Variants in BICDL1 observed in about 807,000 individuals in gnomAD.
BICDL1 encodes BICD family like cargo adaptor 1, also known as BICD family-like cargo adapter 1.
In BICDL1, 20 loss-of-function variants were observed where a neutral mutation model predicts 76.8. The ratio of observed to expected loss-of-function variants is 0.26; its 90% CI spans 0.18 to 0.38. The LOEUF is 0.38. BICDL1 is among the 10% of genes least tolerant of loss of function. The pLI is 1.00. For synonymous variants in BICDL1, 383 were observed against 337.1 expected, an observed-to-expected ratio of 1.14 and a Z score of -1.49; for missense variants, 700 against 798.6, an observed-to-expected ratio of 0.88 and a Z score of 1.49.
At chr12:119,999,591 T>C (rs1262365265) in intron 2 of BICDL1, among the ~76,000 whole-genome samples, 1 of 152,260 alleles carries the variant, frequency 6.6e-6, no homozygotes, top group African/African-American at 2.4e-5. Context: ...TATTTGTACC[T>C]TTCTAAGGTG....
chr12:120,039,798 T>A (rs2138801440), intron 2 of BICDL1, among the ~76,000 whole-genome samples: 1 of 152,268 alleles, frequency 6.6e-6, no homozygotes, highest in Admixed American at 6.5e-5. Flanking sequence ...TCCCCCACTT[T>A]CAGGGAGTGT....
intron 2 of BICDL1, among the ~76,000 whole-genome samples, chr12:120,052,323 C>T (rs963279722): frequency 6.8e-6 from 1 of 147,050 alleles, no homozygotes; most frequent in Non-Finnish European, 1.5e-5. Flanking sequence ...CTCTCTCTCT[C>T]TCTCTTTCTC....
chr12:120,075,948 C>G (rs538310474), intron 7 of BICDL1, among the ~76,000 whole-genome samples: 5 of 152,308 alleles, frequency 3.3e-5, no homozygotes, highest in African/African-American at 1.2e-4. Flanking sequence ...CACTTGAGAT[C>G]GGCAGTTCGA....
chr12:120,056,376 A>G (rs1223150272), intron 2 of BICDL1, among the ~76,000 whole-genome samples: 1 of 152,214 alleles, frequency 6.6e-6, no homozygotes, highest in Non-Finnish European at 1.5e-5. Flanking sequence ...GCCAAAACTC[A>G]TCATTTTGAT....
At chr12:120,060,498 T>C (rs1953081058) in intron 2 of BICDL1, among the ~76,000 whole-genome samples, 1 of 152,220 alleles carries the variant, frequency 6.6e-6, no homozygotes, top group Non-Finnish European at 1.5e-5. Flanking sequence ...AGAATCTTAC[T>C]AGCTCATTAC....
At chr12:119,990,871 G>C (rs534204188) in intron 1 of BICDL1, among the ~76,000 whole-genome samples, 1 of 152,204 alleles carries the variant, frequency 6.6e-6, no homozygotes, top group South Asian at 2.1e-4. Context: ...ACATGTGACC[G>C]CTGGTAGTGG....
At chr12:120,084,168 A>G (rs574127203) in intron 8 of BICDL1, among the ~76,000 whole-genome samples, 5 of 151,904 alleles carry the variant, frequency 3.3e-5, no homozygotes, top group East Asian at 1.9e-4. Context: ...ATGCCCTGCT[A>G]ATTTTTTGTA....
At position 120,080,916 on chromosome 12, in the gene BICDL1, C is replaced by G; in HGVS notation, c.1482C>G (p.Ala494=). ...CACTGCTGAGTGTGGAGATGACTGC[C>G]CTAAAAGAGGAGAGAGACCGACTCA... is the stretch of plus-strand genomic sequence containing the variant. ...QVTLLSVEMT[A]LKEERDRLRV... is the part of the protein sequence containing the mutation. The change falls in exon 8 of 10, where the codon GCC becomes GCG. Residue 494 remains alanine, a synonymous_variant. Transcript: ENST00000548673. 6.2e-7 allele frequency: 1 copy of G among 1,613,480 alleles called. No homozygotes were observed.
chr12:120,012,882 C>T (rs1395085815), intron 2 of BICDL1, among the ~76,000 whole-genome samples: 1 of 152,162 alleles, frequency 6.6e-6, no homozygotes, highest in African/African-American at 2.4e-5. Flanking sequence ...CTGTGTCCAG[C>T]TCATTCCCTA....
Position 120,070,142 on chromosome 12 carries a change from A to G in BICDL1, c.910-1480A>G, listed in dbSNP as rs151052014. Among the ~76,000 whole-genome samples, 663 of 152,366 alleles carry G rather than the reference A, an allele frequency of 4.4e-3. 5 individuals are homozygous for G. The highest frequency in any genetic ancestry group is 0.015 in the African/African-American group (630 of 41,582). On this transcript the variant is annotated intron_variant, in intron 4 of 9. Coordinates refer to ENST00000548673, the MANE Select transcript of BICDL1 (RefSeq NM_001367886.1). Reference sequence around the variant, plus strand: ...TTCATTTTTGTTGGGTCTACAGCTAAAAGTGGAATTGCTGGATCATAGAAT... The same window carrying G: ...TTCATTTTTGTTGGGTCTACAGCTAGAAGTGGAATTGCTGGATCATAGAAT...
chr12:120,068,899 A>G (rs554209500), intron 4 of BICDL1, among the ~76,000 whole-genome samples: 10 of 152,316 alleles, frequency 6.6e-5, no homozygotes, highest in African/African-American at 1.9e-4. Context: ...TGTGAACTGC[A>G]CACAGAAGGG....
At chr12:120,063,087 G>T (rs1252974592) in intron 3 of BICDL1, among the ~76,000 whole-genome samples, 1 of 152,164 alleles carries the variant, frequency 6.6e-6, no homozygotes, top group African/African-American at 2.4e-5. Context: ...AAGTTACTTT[G>T]TGTAGCTCCG....
intron 7 of BICDL1, among the ~76,000 whole-genome samples, chr12:120,075,594 A>G (rs1345234944): frequency 6.6e-6 from 1 of 152,048 alleles, no homozygotes; most frequent in Non-Finnish European, 1.5e-5. Context: ...CATGTTGCCT[A>G]GGCTGGTCTC....
chr12:120,018,043 G>C (rs764065908), intron 2 of BICDL1, among the ~76,000 whole-genome samples: 1 of 152,124 alleles, frequency 6.6e-6, no homozygotes, highest in Non-Finnish European at 1.5e-5. Context: ...CTCCCCACCA[G>C]CAATCTGTCA....
At chr12:119,993,614 T>C (rs1025041647) in intron 1 of BICDL1, among the ~76,000 whole-genome samples, 13 of 151,564 alleles carry the variant, frequency 8.6e-5, no homozygotes, top group African/African-American at 1.2e-4. Context: ...TGCTTAAAGT[T>C]GTTTCTTTTT....
Position 120,071,921 on chromosome 12 carries a change from C to T in BICDL1, c.1089+120C>T. 1 of 1,404,572 alleles carries T rather than the reference C, an allele frequency of 7.1e-7. No individual in the cohort carries two copies. The highest frequency in any genetic ancestry group is 9.3e-7 in the Non-Finnish European group (1 of 1,080,464). The allele number at this position is 1,404,572 out of a possible 1,614,324, so 87.0% of individuals were successfully genotyped here. ...TGTGCCCCTGTGCCTGTGTCAGCCC[C>T]TTGGCCTGCTGGCTAGAGTGTCATG... On this transcript the variant is annotated intron_variant, in intron 5 of 9. Coordinates refer to ENST00000548673, the MANE Select transcript of BICDL1 (RefSeq NM_001367886.1). This position sits in a 1 kb window ranked among gnomAD's most constrained non-coding sequence, Gnocchi z 4.8.
At position 120,035,422 on chromosome 12, in the gene BICDL1, A is replaced by G. The variant is rs544152238; in HGVS notation, c.646-26288A>G. Among the ~76,000 whole-genome samples, 132 of 152,342 alleles carry G rather than the reference A, an allele frequency of 8.7e-4. 1 individual carries two copies. The highest frequency in any genetic ancestry group is 3.4e-3 in the Middle Eastern group (1 of 294). Reference sequence around the variant, plus strand: ...ATACCACTTTCTCTCATTTGATCCCATGTTAACCCTATGTGATACGTAGCC... The same window carrying G: ...ATACCACTTTCTCTCATTTGATCCCGTGTTAACCCTATGTGATACGTAGCC... On this transcript the variant is annotated intron_variant, in intron 2 of 9. Transcript: ENST00000548673.
intron 2 of BICDL1, among the ~76,000 whole-genome samples, chr12:120,020,689 T>C (rs1168789416): frequency 6.6e-6 from 1 of 152,154 alleles, no homozygotes; most frequent in African/African-American, 2.4e-5. Context: ...ATGATAAAAC[T>C]ATTAGGTGAA....
chr12:120,035,764 A>G (rs1373991255), intron 2 of BICDL1, among the ~76,000 whole-genome samples: 2 of 152,232 alleles, frequency 1.3e-5, no homozygotes, highest in African/African-American at 4.8e-5. Context: ...AGGTTAAGAA[A>G]TAGTGTTGCC....
Sources: gnomAD v4.1 joint callset for allele counts (sites outside exome capture counted in the v4.1 genomes callset) on GRCh38, gnomAD v4.1.1 for gene constraint, Gnocchi (gnomAD v3.1) non-coding constraint, MANE v1.5 for transcripts, NCBI Gene and HGNC (gene_info 2026-07-23, HGNC 2026-07-21) for gene names.